ZBTB46: variants seen among roughly 807,000 people sequenced by gnomAD.
ZBTB46 encodes the protein zinc finger and BTB domain containing 46.
Under a neutral mutation model 44.1 loss-of-function variants are expected in ZBTB46, and 8 were observed. The ratio of observed to expected loss-of-function variants is 0.18; its 90% CI spans 0.11 to 0.33. The LOEUF is 0.33. Ranked by LOEUF, ZBTB46 falls within the 10% of genes least tolerant of loss-of-function variation. The pLI, the probability that ZBTB46 is intolerant of heterozygous loss-of-function variation, is 1.00. For missense variants in ZBTB46, 651 were observed against 847.7 expected, an observed-to-expected ratio of 0.77 and a Z score of 2.88; for synonymous variants, 409 against 382.3, an observed-to-expected ratio of 1.07 and a Z score of -0.81.
intron 1 of ZBTB46, among the ~76,000 whole-genome samples, chr20:63,793,321 C>T (rs924310443): frequency 7.9e-5 from 12 of 152,160 alleles, no homozygotes; most frequent in Non-Finnish European, 1.6e-4. Flanking sequence ...GGTTCTTGAC[C>T]GGAGAGCATC....
intron 1 of ZBTB46, among the ~76,000 whole-genome samples, chr20:63,827,063 T>A (rs2146106070): frequency 6.6e-6 from 1 of 151,880 alleles, no homozygotes; most frequent in African/African-American, 2.4e-5. Flanking sequence ...CCCACAGCAG[T>A]CCCCACAGCA....
Position 63,760,418 on chromosome 20 carries a change from T to C in ZBTB46, c.1223-7557A>G, listed in dbSNP as rs2092262770. Among the ~76,000 whole-genome samples, 2 of 152,222 alleles carry C rather than the reference T, an allele frequency of 1.3e-5. 1 individual carries two copies. Among genetic ancestry groups the C allele is most frequent in the Admixed American group, 1.3e-4 (2 of 15,278 alleles). On this transcript the variant is annotated intron_variant, in intron 3 of 4. Transcript: ENST00000245663. ...CGCATAAAGTTGTGTATAATAATCT[T>C]ATCTATCCAATATCCGTTGATCACT...
intron 1 of ZBTB46, among the ~76,000 whole-genome samples, chr20:63,806,407 CAAA>C (rs58233169): frequency 5.5e-5 from 5 of 91,428 alleles, no homozygotes; most frequent in Admixed American, 2.4e-4. Flanking sequence ...AACTCCATCT[CAAA>C]AAAAAAAAAA....
intron 4 of ZBTB46, among the ~76,000 whole-genome samples, chr20:63,750,936 C>T (rs1033144977): frequency 6.6e-5 from 10 of 152,040 alleles, no homozygotes; most frequent in African/African-American, 2.2e-4. Context: ...CTAACCCTAT[C>T]CAACGAGAAG....
chr20:63,799,971 A>G (rs1196240241), intron 1 of ZBTB46, among the ~76,000 whole-genome samples: 1 of 152,224 alleles, frequency 6.6e-6, no homozygotes, highest in Non-Finnish European at 1.5e-5. Context: ...ACCTGTCCAG[A>G]CAGACTCATG....
intron 1 of ZBTB46, among the ~76,000 whole-genome samples, chr20:63,813,441 C>T (rs955757458): frequency 2.1e-5 from 3 of 145,760 alleles, no homozygotes; most frequent in African/African-American, 7.8e-5. Flanking sequence ...GAGCAAGACT[C>T]CATCTCAAAA....
chr20:63,789,105 C>G (rs1434103197), intron 2 of ZBTB46, among the ~76,000 whole-genome samples: 3 of 151,288 alleles, frequency 2.0e-5, no homozygotes, highest in Non-Finnish European at 4.4e-5. Context: ...GCGTGAGCCA[C>G]CACACCTGGC....
At chr20:63,747,616 G>A in intron 4 of ZBTB46, among the ~76,000 whole-genome samples, 1 of 151,502 alleles carries the variant, frequency 6.6e-6, no homozygotes, top group East Asian at 1.9e-4. Flanking sequence ...GTCTGCACAG[G>A]CAGAGACTCC....
intron 3 of ZBTB46, among the ~76,000 whole-genome samples, chr20:63,766,546 A>AG (rs1301557804): frequency 6.6e-6 from 1 of 151,820 alleles, no homozygotes; most frequent in African/African-American, 2.4e-5. Flanking sequence ...AAAAAAAAAA[A>AG]AAAGCTTCAT....
At chr20:63,766,668 C>G (rs948574043) in intron 3 of ZBTB46, among the ~76,000 whole-genome samples, 11 of 152,214 alleles carry the variant, frequency 7.2e-5, no homozygotes, top group Non-Finnish European at 2.9e-5. Context: ...CAGATGCCAG[C>G]AGAGCGCGGT....
At position 63,771,195 on chromosome 20, in the gene ZBTB46, C is replaced by T. The variant is rs146606154; in HGVS notation, c.1222+4483G>A. Reference sequence around the variant, plus strand: ...GCCGAGGCCGCTCTTGTCTTCTTCTCTCTTCCGACAGGGAGCGGAGGAGAG... The same window carrying T: ...GCCGAGGCCGCTCTTGTCTTCTTCTTTCTTCCGACAGGGAGCGGAGGAGAG... On this transcript the variant is annotated intron_variant, in intron 3 of 4. Transcript: ENST00000245663. Among the ~76,000 whole-genome samples the T allele has an allele frequency of 8.0e-3, 1,225 of 152,322 alleles. 13 individuals carry two copies. Among genetic ancestry groups the T allele is most frequent in the African/African-American group, 0.026 (1,078 of 41,570 alleles).
At chr20:63,816,114 G>A (rs1222520042) in intron 1 of ZBTB46, among the ~76,000 whole-genome samples, 6 of 148,184 alleles carry the variant, frequency 4.0e-5, no homozygotes, top group Admixed American at 4.0e-4. Flanking sequence ...CAGGTGCAGT[G>A]GGCGCAGGTG....
chr20:63,823,860 G>C (rs6010672), intron 1 of ZBTB46, among the ~76,000 whole-genome samples: 34 of 120,814 alleles, frequency 2.8e-4, no homozygotes, highest in African/African-American at 9.7e-4. Context: ...TAGGAACCTT[G>C]TGTGTGTGTG....
chr20:63,775,861 T>G lies in ZBTB46; in HGVS notation c.1039A>C (p.Ser347Arg). The G allele has an allele frequency of 6.2e-7, 1 of 1,613,286 alleles. No homozygotes were observed. The highest frequency in any genetic ancestry group is 8.5e-7 in the Non-Finnish European group (1 of 1,179,948). ...GGGGTGAGGGGAGGGCCCAGATAGC[T>G]GGCTTCTCCTCCCAGGAGACCCTCC... is the stretch of plus-strand genomic sequence containing the variant. Reference protein sequence around the residue: ...VEEGLLGGEASYLGPPLTPEK... With the variant: ...VEEGLLGGEARYLGPPLTPEK... Residue 347 changes from serine to arginine, a missense_variant, in exon 3 of 5, where the codon AGC becomes CGC. Around this residue, in one of 5 missense-constraint regions of ZBTB46, gnomAD observed 385 missense variants for 423.3 expected, o/e 0.91. Transcript: ENST00000245663.
intron 3 of ZBTB46, among the ~76,000 whole-genome samples, chr20:63,763,743 C>T (rs1313196915): frequency 6.6e-6 from 1 of 152,114 alleles, no homozygotes; most frequent in Non-Finnish European, 1.5e-5. Context: ...CCTCATTGAG[C>T]CTTTGAATCA....
chr20:63,776,714 G>C (rs1306232399), intron 2 of ZBTB46, among the ~76,000 whole-genome samples: 1 of 151,314 alleles, frequency 6.6e-6, no homozygotes, highest in East Asian at 1.9e-4. Flanking sequence ...TGCGGCAGGA[G>C]AATCGCTTGA....
At chr20:63,807,971 A>C (rs1445931065) in intron 1 of ZBTB46, 2 of 150,240 alleles carry the variant, frequency 1.3e-5, no homozygotes, top group East Asian at 4.0e-4. Context: ...ACACTCACGG[A>C]AGCTGAACGG....
intron 3 of ZBTB46, among the ~76,000 whole-genome samples, chr20:63,766,571 A>T (rs566836177): frequency 2.0e-5 from 3 of 151,120 alleles, no homozygotes; most frequent in African/African-American, 7.3e-5. Flanking sequence ...TCTACAACTG[A>T]TATTAAAACT....
Position 63,787,869 on chromosome 20 carries a change from G to T in ZBTB46, c.937+1952C>A, listed in dbSNP as rs1335487426. The T allele has an allele frequency of 6.6e-6, 1 of 152,262 alleles. No individual in the cohort carries two copies. The highest frequency in any genetic ancestry group is 6.5e-5 in the Admixed American group (1 of 15,274). The allele number at this position is 152,262 out of a possible 1,614,324, so 9.4% of individuals were successfully genotyped here. On this transcript the variant is annotated intron_variant, in intron 2 of 4. Transcript: ENST00000245663. This position sits in a 1 kb window ranked among gnomAD's most constrained non-coding sequence, Gnocchi z 4.6. The stretch of plus-strand genomic sequence containing the variant: ...GCAGATCTCTCAGCGACGGAGAGGA[G>T]GGACCAGGGTCAGGAGAAGAGGCCA...
Sources: gnomAD v4.1 joint callset for allele counts (sites outside exome capture counted in the v4.1 genomes callset) on GRCh38, gnomAD v4.1.1 for gene constraint, gnomAD v4.1.1 regional missense constraint, Gnocchi (gnomAD v3.1) non-coding constraint, MANE v1.5 for transcripts, NCBI Gene and HGNC (gene_info 2026-07-23, HGNC 2026-07-21) for gene names.